The following GABRA2 variants were observed in gnomAD, a reference collection of about 807,000 sequenced individuals.
GABRA2 encodes the protein gamma-aminobutyric acid type A receptor subunit alpha2, also known as gamma-aminobutyric acid receptor subunit alpha-2.
A neutral mutation model predicts 48.7 loss-of-function variants in GABRA2; 16 were observed. That is an observed-to-expected ratio of 0.33 (90% CI 0.22 to 0.50). The LOEUF (loss-of-function observed/expected upper bound fraction) is 0.50, where lower values mean the gene tolerates loss of function less well. Among genes scored for constraint, GABRA2 ranks in the 20% least tolerant of loss-of-function variants. The probability of loss-of-function intolerance (pLI) is 0.98; values close to 1 mark genes in which losing one functional copy is unlikely to be tolerated. For missense variants in GABRA2, 275 were observed against 535.6 expected (o/e 0.51, Z 4.80); for synonymous variants, 185 against 184.5 (o/e 1.00, Z -0.02).
chr4:46,339,542 T>C (rs538615185), intron 3 of GABRA2, among the ~76,000 whole-genome samples: 1 of 151,908 alleles, frequency 6.6e-6, no homozygotes, highest in South Asian at 2.1e-4. Context: ...TCTGCTATCA[T>C]AATGAAGCTT....
chr4:46,316,421 A>G (rs1413644447), intron 4 of GABRA2, among the ~76,000 whole-genome samples: 4 of 152,020 alleles, frequency 2.6e-5, no homozygotes, highest in African/African-American at 9.7e-5. Flanking sequence ...CTATGTTCCA[A>G]TAAAACTCTG....
Position 46,250,071 on chromosome 4 carries a change from G to C in GABRA2, c.*237C>G, listed in dbSNP as rs1714431348. ...TCACTTGAAATTCACTTTAAATCAGGTCCTAGGGTAAATCTTTAAAAAAGG... is the reference window on the plus strand; with the variant it reads ...TCACTTGAAATTCACTTTAAATCAGCTCCTAGGGTAAATCTTTAAAAAAGG... On this transcript the variant is annotated 3_prime_UTR_variant, in exon 10 of 10. Transcript: ENST00000381620. The C allele has an allele frequency of 2.2e-6, 1 of 446,608 alleles. No homozygotes were observed. The highest frequency in any genetic ancestry group is 3.9e-5 in the Admixed American group (1 of 25,928). 27.7% of individuals were successfully genotyped at this position (446,608 alleles called of 1,614,324 possible).
At chr4:46,369,844 T>C (rs1451345301) in intron 3 of GABRA2, among the ~76,000 whole-genome samples, 1 of 152,064 alleles carries the variant, frequency 6.6e-6, no homozygotes, top group Non-Finnish European at 1.5e-5. Flanking sequence ...GAAATGTGTG[T>C]ATATAAGTGG....
At chr4:46,291,982 G>T (rs1372189466) in intron 8 of GABRA2, among the ~76,000 whole-genome samples, 1 of 151,910 alleles carries the variant, frequency 6.6e-6, no homozygotes, top group Non-Finnish European at 1.5e-5. Flanking sequence ...AAATGCTGAG[G>T]ACTATACTTC....
At chr4:46,342,149 GA>G (rs1322859183) in intron 3 of GABRA2, among the ~76,000 whole-genome samples, 12 of 152,120 alleles carry the variant, frequency 7.9e-5, no homozygotes, top group African/African-American at 2.9e-4. Context: ...AAAAGAAGAT[GA>G]AACAATGAAA....
intron 3 of GABRA2, 52 bp from the exon 4 acceptor site, chr4:46,332,734 G>T: frequency 9.3e-7 from 1 of 1,080,494 alleles, no homozygotes; most frequent in Non-Finnish European, 1.4e-6. Context: ...AGAGCCACAG[G>T]AGAGAGAAGG....
intron 3 of GABRA2, chr4:46,366,149 A>G (rs2109979586): frequency 6.6e-6 from 1 of 152,196 alleles, no homozygotes; most frequent in South Asian, 2.1e-4. Flanking sequence ...TGATTCACAC[A>G]GTAAGGGAGT....
chr4:46,332,882 T>G (rs1731608045), intron 3 of GABRA2, among the ~76,000 whole-genome samples, 200 bp from the exon 4 acceptor site: 1 of 152,104 alleles, frequency 6.6e-6, no homozygotes, highest in African/African-American at 2.4e-5. Flanking sequence ...AACTGCAAAA[T>G]GCATAGAAGT....
In GABRA2 at chr4:46,315,886, T is replaced by A. The variant is rs771822579; in HGVS notation, c.256-3170A>T. The stretch of plus-strand genomic sequence containing the variant: ...CCCCTAGTCTCTGAGGAAATAAGTA[T>A]CTTGAGTTTAGTGTACACCCTTCCC... On this transcript the variant is annotated intron_variant, in intron 4 of 9. Coordinates refer to ENST00000381620, the MANE Select transcript of GABRA2 (RefSeq NM_000807.4). Among the ~76,000 whole-genome samples, 6 of 151,600 alleles carry A rather than the reference T, an allele frequency of 4.0e-5. 1 individual carries two copies. The highest frequency in any genetic ancestry group is 8.8e-5 in the Non-Finnish European group (6 of 67,862).
intron 8 of GABRA2, among the ~76,000 whole-genome samples, chr4:46,290,151 G>T (rs1362453132): frequency 6.6e-6 from 1 of 150,976 alleles, no homozygotes; most frequent in African/African-American, 2.4e-5. Flanking sequence ...TGATCCGCCC[G>T]CCTCAGCCTC....
chr4:46,250,619 A>G lies in GABRA2; in HGVS notation c.1060-15T>C. ...TTTTCTTTTTTCTATTGAAAAATAC[A>G]AAAATTAACAGAGTGTGGGTTGAGT... On this transcript the variant is annotated splice_polypyrimidine_tract_variant and intron_variant, in intron 9 of 9. Coordinates refer to ENST00000381620, the MANE Select transcript of GABRA2 (RefSeq NM_000807.4). 1 of 1,570,658 alleles carries G rather than the reference A, an allele frequency of 6.4e-7. No homozygotes were observed.
At chr4:46,383,902 G>A (rs1274139218) in intron 3 of GABRA2, among the ~76,000 whole-genome samples, 2 of 152,126 alleles carry the variant, frequency 1.3e-5, no homozygotes, top group East Asian at 3.9e-4. Flanking sequence ...ATTGGAGGTG[G>A]GGTAAAGTGG....
chr4:46,372,825 C>T (rs1364292984), intron 3 of GABRA2, among the ~76,000 whole-genome samples: 1 of 152,120 alleles, frequency 6.6e-6, no homozygotes, highest in African/African-American at 2.4e-5. Flanking sequence ...TGTTACACCA[C>T]CCTCTCTAAG....
At chr4:46,389,421 C>T in intron 1 of GABRA2, 1 of 985,234 alleles carries the variant, frequency 1.0e-6, no homozygotes, top group South Asian at 4.7e-5. Context: ...AGAGAAGGCG[C>T]GTGAGGCTCC....
chr4:46,389,546 C>T, intron 1 of GABRA2, 189 bp downstream of exon 1: 1 of 454,646 alleles, frequency 2.2e-6, no homozygotes, highest in Non-Finnish European at 2.9e-6. Context: ...ATTGTAGTTG[C>T]AAATATGCTT....
At chr4:46,375,510 T>C (rs1441329719) in intron 3 of GABRA2, among the ~76,000 whole-genome samples, 2 of 152,204 alleles carry the variant, frequency 1.3e-5, no homozygotes, top group Non-Finnish European at 2.9e-5. Flanking sequence ...CTATTGGAAT[T>C]AACACGGTCT....
At chr4:46,308,315 GA>G (rs1046325578) in intron 6 of GABRA2, among the ~76,000 whole-genome samples, 2 of 151,896 alleles carry the variant, frequency 1.3e-5, no homozygotes, top group African/African-American at 4.8e-5. Context: ...TAAGCACACA[GA>G]AAAAAAATGC....
intron 3 of GABRA2, among the ~76,000 whole-genome samples, chr4:46,353,964 T>C (rs1410387128): frequency 2.0e-5 from 3 of 152,176 alleles, no homozygotes; most frequent in African/African-American, 7.2e-5. Flanking sequence ...TAAATTTCAA[T>C]GGATTAGAAC....
intron 3 of GABRA2, among the ~76,000 whole-genome samples, chr4:46,350,103 A>G (rs953431867): frequency 6.6e-6 from 1 of 151,936 alleles, no homozygotes; most frequent in African/African-American, 2.4e-5. Flanking sequence ...TCATTTTATC[A>G]TCATCCAAAT....
Sources: gnomAD v4.1 joint callset for allele counts (sites outside exome capture counted in the v4.1 genomes callset) on GRCh38, gnomAD v4.1.1 for gene constraint, MANE v1.5 for transcripts, NCBI Gene and HGNC (gene_info 2026-07-23, HGNC 2026-07-21) for gene names.